Variants in LIMD1 observed in about 807,000 individuals in gnomAD.
LIMD1 encodes the protein LIM domain containing 1.
In LIMD1, 23 loss-of-function variants were observed where a neutral mutation model predicts 58.4. That is an observed-to-expected ratio of 0.39 (90% CI 0.28 to 0.56). The LOEUF is 0.56. Among genes scored for constraint, LIMD1 ranks in the 20% least tolerant of loss-of-function variants. The pLI is 0.57. For synonymous variants in LIMD1, 334 were observed against 345.5 expected (o/e 0.97, Z 0.37); for missense variants, 838 against 855.5 (o/e 0.98, Z 0.25).
chr3:45,641,050 C>A (rs1421643765), intron 2 of LIMD1, among the ~76,000 whole-genome samples: 3 of 152,168 alleles, frequency 2.0e-5, no homozygotes. Flanking sequence ...CAGAAGGAGG[C>A]ACCCGGGAGC....
At chr3:45,659,481 A>T (rs1323190626) in intron 2 of LIMD1, among the ~76,000 whole-genome samples, 8 of 152,242 alleles carry the variant, frequency 5.3e-5, no homozygotes, top group African/African-American at 1.9e-4. Context: ...CTATCTACTC[A>T]GGAGGCCGAG....
At chr3:45,600,084 A>T (rs1701396855) in intron 1 of LIMD1, among the ~76,000 whole-genome samples, 1 of 152,152 alleles carries the variant, frequency 6.6e-6, no homozygotes, top group Admixed American at 6.5e-5. Flanking sequence ...TACATCTGGT[A>T]TTACTTGAAA....
At chr3:45,597,519 C>T (rs762947317) in intron 1 of LIMD1, among the ~76,000 whole-genome samples, 8 of 152,162 alleles carry the variant, frequency 5.3e-5, no homozygotes, top group Non-Finnish European at 8.8e-5. Context: ...TTTCTTTGCA[C>T]GAGGTTTAGT....
At chr3:45,671,111 GT>G (rs1697581185) in intron 4 of LIMD1, among the ~76,000 whole-genome samples, 1 of 152,224 alleles carries the variant, frequency 6.6e-6, no homozygotes, top group African/African-American at 2.4e-5. Flanking sequence ...TGCCAAATGG[GT>G]TTTGGAAGCC....
intron 2 of LIMD1, among the ~76,000 whole-genome samples, chr3:45,657,171 C>A (rs1575362307): frequency 1.3e-5 from 2 of 152,228 alleles, no homozygotes; most frequent in Admixed American, 1.3e-4. Flanking sequence ...CTGTTTCCTA[C>A]CTGGCCTCAG....
In LIMD1 at chr3:45,676,964, T is replaced by G. The variant is rs1424676235; in HGVS notation, c.1936T>G (p.Tyr646Asp). The change falls in exon 8 of 8, where the codon TAT becomes GAT. Residue 646 changes from tyrosine to aspartate, a missense_variant. Physicochemically the swap from Tyr to Asp is radical, Grantham distance 160. This residue lies in a region of LIMD1 where 174 missense variants were observed against 197.4 expected (regional missense o/e 0.88). Transcript: ENST00000273317. Reference protein sequence around the residue: ...ELNDEDGHRCYPLEDHLFCHS... With the variant: ...ELNDEDGHRCDPLEDHLFCHS... The stretch of plus-strand genomic sequence containing the variant: ...CAATGATGAAGATGGCCACCGCTGT[T>G]ATCCGCTGGAGGACCACCTGTTCTG... 6.2e-7 allele frequency: 1 copy of G among 1,614,158 alleles called. No homozygotes were observed. The highest frequency in any genetic ancestry group is 2.2e-5 in the East Asian group (1 of 44,880).
Position 45,677,092 on chromosome 3 carries a change from T to C in LIMD1, c.*33T>C. On this transcript the variant is annotated 3_prime_UTR_variant, in exon 8 of 8. Coordinates refer to ENST00000273317, the MANE Select transcript of LIMD1 (RefSeq NM_014240.3). ...CACTTGCAGACATCACGGCAGGGGA[T>C]GAGGAGCCGGGGTTGCTGCTGCTGC... The C allele has an allele frequency of 6.9e-6, 11 of 1,602,776 alleles. No individual in the cohort carries two copies. The highest frequency in any genetic ancestry group is 8.5e-6 in the Non-Finnish European group (10 of 1,173,658).
chr3:45,625,226 T>C (rs981008781), intron 1 of LIMD1, among the ~76,000 whole-genome samples: 5 of 152,126 alleles, frequency 3.3e-5, no homozygotes, highest in African/African-American at 9.7e-5. Flanking sequence ...AAAAGAAAAG[T>C]TTCTACCCAT....
At position 45,605,516 on chromosome 3, in the gene LIMD1, T is replaced by G. The variant is rs1035185341; in HGVS notation, c.1408+9229T>G. Among the ~76,000 whole-genome samples the G allele has an allele frequency of 3.3e-5, 5 of 152,230 alleles. No homozygotes were observed. In the South Asian group the frequency reaches 1.0e-3, roughly 32 times the overall value. On this transcript the variant is annotated intron_variant, in intron 1 of 7. Coordinates refer to ENST00000273317, the MANE Select transcript of LIMD1 (RefSeq NM_014240.3). ...AAAGTATCCAGTACAAAGTAGTGGC[T>G]GAGCCCACTGGTGATACAGAATGTA...
chr3:45,658,690 G>A (rs367560121), intron 2 of LIMD1, among the ~76,000 whole-genome samples: 1 of 151,614 alleles, frequency 6.6e-6, no homozygotes, highest in South Asian at 2.1e-4. Flanking sequence ...TGAGTAGCTG[G>A]GACTACAGGC....
Position 45,673,469 on chromosome 3 carries a change from G to GT in LIMD1, c.1789dup (p.Cys597LeufsTer12). 6.2e-7 allele frequency: 1 copy of GT among 1,614,064 alleles called. No individual in the cohort carries two copies. Among genetic ancestry groups the GT allele is most frequent in the Non-Finnish European group, 8.5e-7 (1 of 1,179,934 alleles). ...CTCCCCACAGGGTGCTGGCCCCCAA[G>GT]TGTGCAGCCTGTGGGCTTCCCATCC... On this transcript the variant is annotated frameshift_variant, in exon 6 of 8. Coordinates refer to ENST00000273317, the MANE Select transcript of LIMD1 (RefSeq NM_014240.3). LOFTEE classifies it high-confidence loss of function.
At chr3:45,632,950 CT>C (rs1701750581) in intron 1 of LIMD1, among the ~76,000 whole-genome samples, 2 of 152,224 alleles carry the variant, frequency 1.3e-5, no homozygotes, top group Non-Finnish European at 2.9e-5. Context: ...TGGGTTTATG[CT>C]TTGCTGCTAG....
At chr3:45,604,107 A>C (rs531835347) in intron 1 of LIMD1, among the ~76,000 whole-genome samples, 1 of 152,226 alleles carries the variant, frequency 6.6e-6, no homozygotes. Context: ...ACATTATGGC[A>C]TGTTTGGGGA....
intron 1 of LIMD1, among the ~76,000 whole-genome samples, chr3:45,602,068 G>A (rs559212917): frequency 4.6e-5 from 7 of 151,800 alleles, no homozygotes; most frequent in South Asian, 2.1e-4. Context: ...TCAGCCTCCC[G>A]GGTAGCTGGG....
chr3:45,597,038 T>TC (rs1483103660), intron 1 of LIMD1, among the ~76,000 whole-genome samples: 2 of 151,304 alleles, frequency 1.3e-5, no homozygotes, highest in Non-Finnish European at 2.9e-5. Context: ...ATTTTTTTTT[T>TC]TTAAGTAGAG....
chr3:45,657,746 T>C (rs1036346511), intron 2 of LIMD1, among the ~76,000 whole-genome samples: 17 of 152,192 alleles, frequency 1.1e-4, no homozygotes, highest in African/African-American at 3.1e-4. Flanking sequence ...TCCTTACTTA[T>C]GAAATGAAAA....
At chr3:45,676,774 C>T (rs1395701518) in intron 7 of LIMD1, 148 bp from the exon 8 acceptor site, 13 of 760,124 alleles carry the variant, frequency 1.7e-5, no homozygotes, top group South Asian at 4.8e-5. Context: ...CAGGCCTCCA[C>T]GGGGCAGGAG....
chr3:45,648,384 T>A (rs1177508143), intron 2 of LIMD1, among the ~76,000 whole-genome samples: 1 of 152,248 alleles, frequency 6.6e-6, no homozygotes, highest in Non-Finnish European at 1.5e-5. Context: ...TAGCGTGCAT[T>A]CCAGGTTCAT....
chr3:45,662,962 C>T (rs939686207), intron 2 of LIMD1, among the ~76,000 whole-genome samples: 4 of 150,768 alleles, frequency 2.7e-5, no homozygotes, highest in South Asian at 2.1e-4. Context: ...CCAGCCTGGG[C>T]GACACAGCGA....
Sources: allele counts gnomAD v4.1 joint callset (sites outside exome capture counted in the v4.1 genomes callset), GRCh38; gene constraint gnomAD v4.1.1; regional missense constraint gnomAD v4.1.1; transcripts MANE v1.5; gene names NCBI Gene and HGNC (gene_info 2026-07-23, HGNC 2026-07-21).